The following ADCY2 variants were observed in gnomAD, a reference collection of about 807,000 sequenced individuals.
The protein encoded by ADCY2 is adenylate cyclase 2.
ADCY2 carries 31 observed loss-of-function variants against 125.2 expected under a neutral mutation model. The observed-to-expected ratio is 0.25, with a 90% CI of 0.19 to 0.33. The LOEUF (loss-of-function observed/expected upper bound fraction) is 0.33, where lower values mean the gene tolerates loss of function less well. Ranked by LOEUF, ADCY2 falls within the 10% of genes least tolerant of loss-of-function variation. The pLI is 1.00. For missense variants in ADCY2, 904 were observed against 1,418.2 expected (o/e 0.64, Z 5.82); for synonymous variants, 512 against 548.4 (o/e 0.93, Z 0.93).
At chr5:7,592,324 A>G (rs1736870902) in intron 3 of ADCY2, among the ~76,000 whole-genome samples, 1 of 152,200 alleles carries the variant, frequency 6.6e-6, no homozygotes, top group Admixed American at 6.5e-5. Flanking sequence ...TGGATGAATA[A>G]AAAAAGATTC....
chr5:7,570,239 A>G (rs901003957), intron 3 of ADCY2, among the ~76,000 whole-genome samples: 2 of 152,264 alleles, frequency 1.3e-5, no homozygotes, highest in South Asian at 4.1e-4. Flanking sequence ...AAAATCTTAG[A>G]TCAAGCCACT....
chr5:7,490,285 C>G (rs970625446), intron 2 of ADCY2, among the ~76,000 whole-genome samples: 31 of 152,164 alleles, frequency 2.0e-4, no homozygotes, highest in African/African-American at 7.2e-4. Flanking sequence ...TAAGAAGTTA[C>G]TTTCCATGAT....
rs552898997 is a variant in ADCY2, at chr5:7,424,866, A to C, written c.408+10096A>C. Among the ~76,000 whole-genome samples, 6 of 152,218 alleles carry C rather than the reference A, an allele frequency of 3.9e-5. No individual in the cohort carries two copies. In the East Asian group the frequency reaches 1.2e-3, roughly 29 times the overall value. On this transcript the variant is annotated intron_variant, in intron 2 of 24. Transcript: ENST00000338316. ...TTATACATAGAGTCCTTATAATTGT[A>C]CCTCTTTGTGCTGGTTTTCTCATCT... is the stretch of plus-strand genomic sequence containing the variant.
At chr5:7,565,996 A>G (rs550899120) in intron 3 of ADCY2, among the ~76,000 whole-genome samples, 1 of 152,340 alleles carries the variant, frequency 6.6e-6, no homozygotes, top group East Asian at 1.9e-4. Context: ...AAGTATATCT[A>G]GCCTTATGTT....
At chr5:7,403,015 C>G (rs915655744) in intron 1 of ADCY2, among the ~76,000 whole-genome samples, 2 of 152,152 alleles carry the variant, frequency 1.3e-5, no homozygotes, top group African/African-American at 4.8e-5. Flanking sequence ...CCTTTGCTGT[C>G]TCTCAGACAT....
At position 7,828,059 on chromosome 5, in the gene ADCY2, G is replaced by C. The variant is rs1274342951; in HGVS notation, c.*1188G>C. The C allele has an allele frequency of 6.5e-6, 1 of 152,790 alleles. No homozygotes were observed. Among genetic ancestry groups the C allele is most frequent in the Non-Finnish European group, 1.5e-5 (1 of 68,040 alleles). The allele number at this position is 152,790 out of a possible 1,614,324, so 9.5% of individuals were successfully genotyped here. A position where few individuals can be genotyped will look rare whatever the true frequency, so the allele number is the denominator to read the frequency against. Reference sequence around the variant, plus strand: ...GTTCATGCATTTTTAAAGACAGAAGGCCTTGAAGAATTTGTTCTTGTAAAT... The same window carrying C: ...GTTCATGCATTTTTAAAGACAGAAGCCCTTGAAGAATTTGTTCTTGTAAAT... On this transcript the variant is annotated 3_prime_UTR_variant, in exon 25 of 25. Coordinates refer to ENST00000338316, the MANE Select transcript of ADCY2 (RefSeq NM_020546.3).
At chr5:7,823,539 C>T (rs1234905100) in intron 24 of ADCY2, among the ~76,000 whole-genome samples, 1 of 152,164 alleles carries the variant, frequency 6.6e-6, no homozygotes, top group Non-Finnish European at 1.5e-5. Flanking sequence ...TCGCTAGCCA[C>T]TTCTAATGCC....
In ADCY2 at chr5:7,497,765, T is replaced by A. The variant is rs558191144; in HGVS notation, c.409-22973T>A. On this transcript the variant is annotated intron_variant, in intron 2 of 24. Transcript: ENST00000338316. The stretch of plus-strand genomic sequence containing the variant: ...AAAAAAAGTTGCCTGAACTAAACAA[T>A]GTTCTTAGTGAAATAATGTATTTAA... Among the ~76,000 whole-genome samples, 18 of 152,174 alleles carry A rather than the reference T, an allele frequency of 1.2e-4. 1 individual carries two copies. The highest frequency in any genetic ancestry group is 3.4e-3 in the Middle Eastern group (1 of 294).
intron 4 of ADCY2, among the ~76,000 whole-genome samples, chr5:7,663,384 G>T (rs1739603260): frequency 6.6e-6 from 1 of 152,230 alleles, no homozygotes; most frequent in Non-Finnish European, 1.5e-5. Context: ...CATGTCTCTG[G>T]GTGCACTTTT....
At position 7,626,818 on chromosome 5, in the gene ADCY2, C is replaced by T. The variant is rs1199205151; in HGVS notation, c.720+502C>T. Among the ~76,000 whole-genome samples, 4 of 152,096 alleles carry T rather than the reference C, an allele frequency of 2.6e-5. No homozygotes were observed. In the East Asian group the frequency reaches 5.8e-4, roughly 22 times the overall value. Reference sequence around the variant, plus strand: ...GACACAAACACCTCCCACCAGGCCTCACCTCCAACACTGGGGATCAAATTT... The same window carrying T: ...GACACAAACACCTCCCACCAGGCCTTACCTCCAACACTGGGGATCAAATTT... On this transcript the variant is annotated intron_variant, in intron 4 of 24. Coordinates refer to ENST00000338316, the MANE Select transcript of ADCY2 (RefSeq NM_020546.3).
At chr5:7,695,175 C>T (rs1434657426) in intron 5 of ADCY2, among the ~76,000 whole-genome samples, 3 of 152,242 alleles carry the variant, frequency 2.0e-5, no homozygotes, top group Non-Finnish European at 4.4e-5. Context: ...GAATCTCACA[C>T]TCGCCTTCCC....
chr5:7,680,009 ACAGTGAAAGTGATGGGC>A (rs1740276229), intron 4 of ADCY2, among the ~76,000 whole-genome samples: 1 of 152,178 alleles, frequency 6.6e-6, no homozygotes, highest in South Asian at 2.1e-4. Flanking sequence ...GGGCAAGACA[ACAGTGAAAGTGATGGGC>A]CACAGAGTCC....
intron 3 of ADCY2, among the ~76,000 whole-genome samples, chr5:7,566,403 G>C (rs112278767): frequency 2.7e-4 from 41 of 152,264 alleles, no homozygotes; most frequent in African/African-American, 9.4e-4. Context: ...GGCCAAGGTG[G>C]GAGGATCGCT....
chr5:7,789,584 ACT>A (rs1744191886), intron 19 of ADCY2, 56 bp from the exon 20 acceptor site: 5 of 1,516,856 alleles, frequency 3.3e-6, no homozygotes, highest in Admixed American at 2.1e-5. Flanking sequence ...TAAAACCTCC[ACT>A]CTCTGGCAGG....
chr5:7,664,757 C>A (rs2099023781), intron 4 of ADCY2, among the ~76,000 whole-genome samples: 1 of 152,172 alleles, frequency 6.6e-6, no homozygotes, highest in Non-Finnish European at 1.5e-5. Context: ...AGGAAATCAT[C>A]AACTAAGAGA....
intron 2 of ADCY2, among the ~76,000 whole-genome samples, chr5:7,488,019 A>T (rs1005810381): frequency 3.3e-5 from 5 of 152,188 alleles, no homozygotes; most frequent in African/African-American, 1.2e-4. Context: ...AAACATTATG[A>T]TATTAATCAT....
intron 12 of ADCY2, among the ~76,000 whole-genome samples, chr5:7,718,748 A>G (rs1334554413): frequency 6.6e-6 from 1 of 152,126 alleles, no homozygotes; most frequent in Admixed American, 6.5e-5. Flanking sequence ...TTTGCCTGGC[A>G]CTAGGGTCAG....
chr5:7,688,434 A>T (rs1237390596), intron 4 of ADCY2, among the ~76,000 whole-genome samples: 2 of 150,900 alleles, frequency 1.3e-5, no homozygotes, highest in Non-Finnish European at 1.5e-5. Flanking sequence ...TGCCCAGCTA[A>T]TTTTTTTTAT....
intron 2 of ADCY2, among the ~76,000 whole-genome samples, chr5:7,447,611 C>T (rs1369870128): frequency 6.6e-6 from 1 of 152,176 alleles, no homozygotes; most frequent in East Asian, 1.9e-4. Flanking sequence ...CTCCCACAGC[C>T]TGCAGCTGGG....
Sources: gnomAD v4.1 joint callset for allele counts (sites outside exome capture counted in the v4.1 genomes callset) on GRCh38, gnomAD v4.1.1 for gene constraint, MANE v1.5 for transcripts, NCBI Gene and HGNC (gene_info 2026-07-23, HGNC 2026-07-21) for gene names.